TCHH: variants seen among roughly 807,000 people sequenced by gnomAD.
TCHH encodes trichohyalin.
Under a neutral mutation model 6.3 loss-of-function variants are expected in TCHH, and 6 were observed. That is an observed-to-expected ratio of 0.95 (90% CI 0.52 to 1.88). The LOEUF is 1.88. TCHH is among the 40% of genes most tolerant of loss of function. The pLI is 0.01. For synonymous variants in TCHH, 1,087 were observed against 963.6 expected (o/e 1.13, Z -2.37); for missense variants, 2,920 against 2,449.1 (o/e 1.19, Z -4.06).
In TCHH at chr1:152,111,386, C is replaced by T. The variant is rs1658341168; in HGVS notation, c.1831G>A (p.Glu611Lys). The change falls in exon 3 of 3, where the codon GAG becomes AAG. Residue 611 changes from glutamate to lysine, a missense_variant. Physicochemically the swap from Glu to Lys is moderately conservative, Grantham distance 56. Coordinates refer to ENST00000614923, the MANE Select transcript of TCHH (RefSeq NM_007113.4). ...CGCTGCTCGCGCCTCTCCTCCTGCT[C>T]GAGTCTCTCCACCTCCTCGCGCTTC... ...RLKREEVERL[E>K]QEERREQRLK... 6.2e-7 allele frequency: 1 copy of T among 1,604,590 alleles called. No individual in the cohort carries two copies. The highest frequency in any genetic ancestry group is 8.5e-7 in the Non-Finnish European group (1 of 1,177,062).
In TCHH at chr1:152,107,382, C is replaced by A. The variant is rs751122095; in HGVS notation, c.*3G>T. On this transcript the variant is annotated 3_prime_UTR_variant, in exon 3 of 3. Transcript: ENST00000614923. The stretch of plus-strand genomic sequence containing the variant: ...GCAGGTGTCAAGATATTGGCAACAT[C>A]ACTTAAGGGCGGTATTGAGATCTCT... The A allele has an allele frequency of 7.8e-6, 12 of 1,538,216 alleles. No individual in the cohort carries two copies. Among genetic ancestry groups the A allele is most frequent in the Non-Finnish European group, 1.0e-5 (12 of 1,143,794 alleles).
rs1229814765 is a variant in TCHH at position 152,109,086 on chromosome 1, G to A, written c.4131C>T (p.Leu1377=). The A allele has an allele frequency of 2.5e-6, 4 of 1,610,908 alleles. No homozygotes were observed. In the African/African-American group the frequency reaches 4.1e-5, roughly 16 times the overall value. ...GGCGGCGCAGCCGCTGTTCCTCCTCGAGGAATTTTCTCCCTTGTTCCTGAT... is the reference window on the plus strand; with the variant it reads ...GGCGGCGCAGCCGCTGTTCCTCCTCAAGGAATTTTCTCCCTTGTTCCTGAT... ...LRHQEQGRKF[L]EEEQRLRRQE... The change falls in exon 3 of 3, where the codon CTC becomes CTT. Residue 1377 remains leucine (L), a synonymous_variant. Coordinates refer to ENST00000614923, the MANE Select transcript of TCHH (RefSeq NM_007113.4).
rs140720320 is a variant in TCHH at position 152,107,590 on chromosome 1, C to G, written c.5627G>C (p.Arg1876Pro). The change falls in exon 3 of 3, where the codon CGG becomes CCG. Residue 1876 changes from arginine to proline, a missense_variant. Transcript: ENST00000614923. ...QEEEQKRRQE[R>P]ERKLREEHIR... ...GTGTTCTTCCCGTAATTTCCTTTCC[C>G]GTTCCTGGCGACGTTTCTGCTCCTC... The G allele has an allele frequency of 6.2e-7, 1 of 1,614,058 alleles. No homozygotes were observed. Among genetic ancestry groups the G allele is most frequent in the African/African-American group, 1.3e-5 (1 of 75,016 alleles).
chr1:152,107,873 C>T lies in TCHH; in HGVS notation c.5344G>A (p.Glu1782Lys). 3 of 1,613,552 alleles carry T rather than the reference C, an allele frequency of 1.9e-6. No homozygotes were observed. Among genetic ancestry groups the T allele is most frequent in the Non-Finnish European group, 1.7e-6 (2 of 1,179,846 alleles). The change falls in exon 3 of 3, where the codon GAG (glutamate) becomes AAG (lysine). Residue 1782 changes from glutamate (E) to lysine (K), a missense_variant. Coordinates refer to ENST00000614923, the MANE Select transcript of TCHH (RefSeq NM_007113.4). ...CTGCGCAGCTGCTGTTCCTCCCTCT[C>T]CTGGCGGAGCTGTTCCTCCTCGCGG... ...KFREEEQLRQEREEQQLRSQE... is the reference protein window; with the variant it reads ...KFREEEQLRQKREEQQLRSQE...
rs765377333 is a variant in TCHH at position 152,110,964 on chromosome 1, C to T, written c.2253G>A (p.Glu751=). 4 of 1,613,374 alleles carry T rather than the reference C, an allele frequency of 2.5e-6. No homozygotes were observed. In the Admixed American group the frequency reaches 6.7e-5, roughly 27 times the overall value. Residue 751 remains glutamate, a synonymous_variant, in exon 3 of 3, where the codon GAG becomes GAA. Coordinates refer to ENST00000614923, the MANE Select transcript of TCHH (RefSeq NM_007113.4). The part of the protein sequence containing the change: ...RRESELQWQE[E]ERAHRQQQEE... ...CCTGCTGCTGCCGGTGAGCCCGTTC[C>T]TCCTCCTGCCATTGCAGCTCACTCT...
In TCHH at chr1:152,108,934, C is replaced by T. The variant is rs969596095; in HGVS notation, c.4283G>A (p.Arg1428His). 41 of 1,611,242 alleles carry T rather than the reference C, an allele frequency of 2.5e-5. No individual in the cohort carries two copies. Among genetic ancestry groups the T allele is most frequent in the Middle Eastern group, 1.7e-4 (1 of 6,040 alleles). The stretch of plus-strand genomic sequence containing the variant: ...TTCCTCTTCACGGAATTTTCTGTCA[C>T]GCTCTTGGCGGCTCAGCTGCTGTTC... Reference protein sequence around the residue: ...EEEQQLSRQERDRKFREEEQQ... With the variant: ...EEEQQLSRQEHDRKFREEEQQ... Residue 1428 changes from arginine (R) to histidine (H), a missense_variant, in exon 3 of 3, where the codon CGT becomes CAT. Transcript: ENST00000614923.
At chr1:152,113,867 TCCTTG>T (rs2101535152) in intron 2 of TCHH, 71 bp downstream of exon 2, 1 of 1,538,030 alleles carries the variant, frequency 6.5e-7, no homozygotes, top group African/African-American at 1.4e-5. Flanking sequence ...AAACCACCAT[TCCTTG>T]CTCTGGTCTC....
At position 152,111,103 on chromosome 1, in the gene TCHH, T is replaced by C; in HGVS notation, c.2114A>G (p.Gln705Arg). Residue 705 changes from glutamine to arginine, a missense_variant, in exon 3 of 3, where the codon CAG becomes CGG. Coordinates refer to ENST00000614923, the MANE Select transcript of TCHH (RefSeq NM_007113.4). ...GTCGGCCTCGCTTTCTAGCTGCCAC[T>C]GCCACTTCGGGATGCGGCTCTTAAT... The part of the protein sequence containing the change: ...ERIKSRIPKW[Q>R]WQLESEADAR... 2.5e-6 allele frequency: 4 copies of C among 1,613,692 alleles called. No individual in the cohort carries two copies. In the East Asian group the frequency reaches 8.9e-5, roughly 36 times the overall value.
chr1:152,110,455 C>A lies in TCHH; in HGVS notation c.2762G>T (p.Arg921Ile). The A allele has an allele frequency of 6.2e-7, 1 of 1,614,172 alleles. No homozygotes were observed. Among genetic ancestry groups the A allele is most frequent in the Non-Finnish European group, 8.5e-7 (1 of 1,180,030 alleles). ...EELQREEREK[R>I]RRQEQERQYR... ...TTGTCTCTCCTGTTCTTGGCGCCTT[C>A]TCTTCTCGCGCTCCTCTCTCTGTAG... Residue 921 changes from arginine to isoleucine, a missense_variant, in exon 3 of 3, where the codon AGA becomes ATA. By Grantham distance (97) the Arg-to-Ile change is moderately conservative (BLOSUM62 -3). Coordinates refer to ENST00000614923, the MANE Select transcript of TCHH (RefSeq NM_007113.4).
In TCHH at chr1:152,110,086, T is replaced by C. The variant is rs774133207; in HGVS notation, c.3131A>G (p.Gln1044Arg). 6 of 1,611,970 alleles carry C rather than the reference T, an allele frequency of 3.7e-6. No individual in the cohort carries two copies. In the East Asian group the frequency reaches 1.3e-4, roughly 36 times the overall value. ...LREEREKRRL[Q>R]ERERQYREEE... ...CTCCCGATATTGCCTCTCCCGCTCC[T>C]GGAGTCTTCTTTTCTCCCGTTCCTC... The change falls in exon 3 of 3, where the codon CAG becomes CGG. Residue 1044 changes from glutamine to arginine, a missense_variant. Coordinates refer to ENST00000614923, the MANE Select transcript of TCHH (RefSeq NM_007113.4).
At position 152,108,920 on chromosome 1, in the gene TCHH, G is replaced by C. The variant is rs1233736692; in HGVS notation, c.4297C>G (p.Arg1433Gly). The change falls in exon 3 of 3, where the codon CGT (arginine) becomes GGT (glycine). Residue 1433 changes from arginine (R) to glycine (G), a missense_variant. Arg to Gly is a moderately radical substitution (Grantham distance 125). Coordinates refer to ENST00000614923, the MANE Select transcript of TCHH (RefSeq NM_007113.4). ...CGGCGCACCTGCTGTTCCTCTTCAC[G>C]GAATTTTCTGTCACGCTCTTGGCGG... ...LSRQERDRKF[R>G]EEEQQVRRQE... 1 of 1,612,886 alleles carries C rather than the reference G, an allele frequency of 6.2e-7. No homozygotes were observed. Among genetic ancestry groups the C allele is most frequent in the African/African-American group, 1.3e-5 (1 of 74,504 alleles).
At position 152,112,490 on chromosome 1, in the gene TCHH, C is replaced by T; in HGVS notation, c.727G>A (p.Glu243Lys). 1.2e-6 allele frequency: 2 copies of T among 1,613,564 alleles called. No individual in the cohort carries two copies. The highest frequency in any genetic ancestry group is 1.1e-5 in the South Asian group (1 of 91,058). The change falls in exon 3 of 3, where the codon GAG becomes AAG. Residue 243 changes from glutamate (E) to lysine (K), a missense_variant. By Grantham distance (56) the Glu-to-Lys change is moderately conservative. Transcript: ENST00000614923. Reference protein sequence around the residue: ...RQDRVFQEEEEKEWRKRETVL... With the variant: ...RQDRVFQEEEKKEWRKRETVL... ...GTCTCGCGCTTCCTCCACTCTTTCT[C>T]TTCTTCCTCCTGGAACACTCTGTCT...
rs750312900 is a variant in TCHH, at chr1:152,107,369, A to G, written c.*16T>C. ...GCTCGAAGCTTTGGCAGGTGTCAAG[A>G]TATTGGCAACATCACTTAAGGGCGG... On this transcript the variant is annotated 3_prime_UTR_variant, in exon 3 of 3. Transcript: ENST00000614923. The G allele has an allele frequency of 6.5e-7, 1 of 1,529,170 alleles. No individual in the cohort carries two copies. The highest frequency in any genetic ancestry group is 2.3e-5 in the East Asian group (1 of 43,934). The allele number at this position is 1,529,170 out of a possible 1,614,324, so 94.7% of individuals were successfully genotyped here. A position where few individuals can be genotyped will look rare whatever the true frequency, so the allele number is the denominator to read the frequency against.
chr1:152,113,871 T>C, intron 2 of TCHH, 72 bp downstream of exon 2: 1 of 1,548,276 alleles, frequency 6.5e-7, no homozygotes, highest in Non-Finnish European at 8.7e-7. Flanking sequence ...CACCATTCCT[T>C]GCTCTGGTCT....
rs575050143 is a variant in TCHH, at chr1:152,109,034, C to T, written c.4183G>A (p.Glu1395Lys). The change falls in exon 3 of 3, where the codon GAG becomes AAG. Residue 1395 changes from glutamate to lysine, a missense_variant. Physicochemically the swap from Glu to Lys is moderately conservative, Grantham distance 56. Transcript: ENST00000614923. Reference protein sequence around the residue: ...RQERERKFLKEEQQLRCQERE... With the variant: ...RQERERKFLKKEQQLRCQERE... ...TCCTGGCAGCGCAGCTGCTGTTCCT[C>T]CTTAAGGAATTTTCTCTCCCGTTCC... 13 of 1,613,740 alleles carry T rather than the reference C, an allele frequency of 8.1e-6. No individual in the cohort carries two copies. The highest frequency in any genetic ancestry group is 6.7e-5 in the Admixed American group (4 of 60,002).
In TCHH at chr1:152,109,274, G is replaced by A; in HGVS notation, c.3943C>T (p.Gln1315Ter). 6.2e-7 allele frequency: 1 copy of A among 1,614,206 alleles called. No individual in the cohort carries two copies. The highest frequency in any genetic ancestry group is 1.1e-5 in the South Asian group (1 of 91,078). The change falls in exon 3 of 3, where the codon CAA becomes TAA. Residue 1315 changes from glutamine (Q) to a stop codon, truncating the protein, a stop_gained. Coordinates refer to ENST00000614923, the MANE Select transcript of TCHH (RefSeq NM_007113.4). LOFTEE classifies it low-confidence loss of function (END_TRUNC). Reference protein sequence around the residue: ...KEAKRRDRKSQEEKQLLREER... With the variant: ...KEAKRRDRKS ...TCTCTCAGCAACTGCTTTTCCTCTT[G>A]GGACTTCCTGTCGCGCCTTTTGGCT... is the stretch of plus-strand genomic sequence containing the variant.
rs1248071972 is a variant in TCHH at position 152,107,824 on chromosome 1, C to T, written c.5393G>A (p.Arg1798His). 4 of 1,613,872 alleles carry T rather than the reference C, an allele frequency of 2.5e-6. No individual in the cohort carries two copies. Among genetic ancestry groups the T allele is most frequent in the Admixed American group, 3.3e-5 (2 of 59,998 alleles). The change falls in exon 3 of 3, where the codon CGC becomes CAC. Residue 1798 changes from arginine (R) to histidine (H), a missense_variant. Arg to His is a conservative substitution (Grantham distance 29). Coordinates refer to ENST00000614923, the MANE Select transcript of TCHH (RefSeq NM_007113.4). ...CTCCTGGCGTAGCTGTTCCTCCTCG[C>T]GGAATTTTCTGTCAGACTCTTGGCT... ...LRSQESDRKF[R>H]EEEQLRQERE...
In TCHH at chr1:152,109,108, T is replaced by C. The variant is rs1258982162; in HGVS notation, c.4109A>G (p.Gln1370Arg). 6.2e-7 allele frequency: 1 copy of C among 1,613,052 alleles called. No individual in the cohort carries two copies. Among genetic ancestry groups the C allele is most frequent in the Admixed American group, 1.7e-5 (1 of 59,954 alleles). Reference protein sequence around the residue: ...RKFREEELRHQEQGRKFLEEE... With the variant: ...RKFREEELRHREQGRKFLEEE... ...CTCGAGGAATTTTCTCCCTTGTTCC[T>C]GATGGCGCAGTTCCTCTTCGCGGAA... Residue 1370 changes from glutamine to arginine, a missense_variant, in exon 3 of 3, where the codon CAG becomes CGG. By Grantham distance (43) the Gln-to-Arg change is conservative. Coordinates refer to ENST00000614923, the MANE Select transcript of TCHH (RefSeq NM_007113.4).
rs1658345462 is a variant in TCHH, at chr1:152,111,450, CCGCTGCTGG to C, written c.1758_1766del (p.Gln587_Arg589del). The C allele has an allele frequency of 6.2e-7, 1 of 1,610,766 alleles. No individual in the cohort carries two copies. The highest frequency in any genetic ancestry group is 1.4e-5 in the African/African-American group (1 of 73,938). On this transcript the variant is annotated inframe_deletion, in exon 3 of 3. Coordinates refer to ENST00000614923, the MANE Select transcript of TCHH (RefSeq NM_007113.4). ...GCCTCTCTTCCTGCTCGCGCTTCAGCCGCTGCTGGCGCCTCTCCTCCTCGCGCTTCAGCA... is the reference window on the plus strand; with the variant it reads ...GCCTCTCTTCCTGCTCGCGCTTCAGCCGCCTCTCCTCCTCGCGCTTCAGCA...
Sources: gnomAD v4.1 joint callset for allele counts on GRCh38, gnomAD v4.1.1 for gene constraint, MANE v1.5 for transcripts, NCBI Gene and HGNC (gene_info 2026-07-23, HGNC 2026-07-21) for gene names.